Variants in FAM228B observed in about 807,000 individuals in gnomAD.
FAM228B encodes protein FAM228B.
FAM228B carries 38 observed loss-of-function variants against 42.6 expected under a neutral mutation model. The ratio of observed to expected loss-of-function variants is 0.89; its 90% CI spans 0.69 to 1.17. FAM228B has a LOEUF of 1.17. FAM228B is among the 50% of genes most tolerant of loss of function. The pLI is 0.00. For synonymous variants in FAM228B, 109 were observed against 122.3 expected (o/e 0.89, Z 0.72); for missense variants, 344 against 367.3 (o/e 0.94, Z 0.52).
In FAM228B at chr2:24,077,901, A is replaced by C. The variant is rs1664829572; in HGVS notation, c.-290+932A>C. On this transcript the variant is annotated intron_variant, in intron 1 of 10. Coordinates refer to the FAM228B transcript ENST00000613899. The surrounding 1 kb of genome is among the most constrained non-coding windows in gnomAD (Gnocchi z 5.5). ...GACACTTAACCCCTCACTTCCTAGCATGTGTGTGAAATACCCTTGAAGGAG... is the reference window on the plus strand; with the variant it reads ...GACACTTAACCCCTCACTTCCTAGCCTGTGTGTGAAATACCCTTGAAGGAG... 3 of 842,942 alleles carry C rather than the reference A, an allele frequency of 3.6e-6. No homozygotes were observed. Among genetic ancestry groups the C allele is most frequent in the African/African-American group, 1.7e-5 (1 of 58,722 alleles). The allele number at this position is 842,942 out of a possible 1,614,324, so 52.2% of individuals were successfully genotyped here.
Position 24,077,379 on chromosome 2 carries a change from C to T in FAM228B, c.-290+410C>T. On this transcript the variant is annotated intron_variant, in intron 1 of 10. Transcript: ENST00000613899. The surrounding 1 kb of genome is among the most constrained non-coding windows in gnomAD (Gnocchi z 5.5). Reference sequence around the variant, plus strand: ...CCTCAGTAATCCCCGCTGCGACGCCCGTCCGGACTCCCACCTCAACCCCGC... The same window carrying T: ...CCTCAGTAATCCCCGCTGCGACGCCTGTCCGGACTCCCACCTCAACCCCGC... 1 of 520,718 alleles carries T rather than the reference C, an allele frequency of 1.9e-6. No homozygotes were observed. The highest frequency in any genetic ancestry group is 3.3e-6 in the Non-Finnish European group (1 of 303,444). The allele number at this position is 520,718 out of a possible 1,614,324, so 32.3% of individuals were successfully genotyped here. A position where few individuals can be genotyped will look rare whatever the true frequency, so the allele number is the denominator to read the frequency against.
intron 7 of FAM228B, among the ~76,000 whole-genome samples, chr2:24,156,252 A>G (rs1667141994): frequency 6.6e-6 from 1 of 152,186 alleles, no homozygotes; most frequent in East Asian, 1.9e-4. Flanking sequence ...GTTATGGGAA[A>G]TATCAGGGTT....
chr2:24,116,236 G>C (rs941282722), intron 3 of FAM228B, among the ~76,000 whole-genome samples: 1 of 152,080 alleles, frequency 6.6e-6, no homozygotes, highest in Non-Finnish European at 1.5e-5. Context: ...GCTGAGGCAG[G>C]AGAATTGCTT....
At chr2:24,128,583 G>C (rs1191462595) in intron 2 of FAM228B, among the ~76,000 whole-genome samples, 1 of 151,822 alleles carries the variant, frequency 6.6e-6, no homozygotes, top group African/African-American at 2.4e-5. Flanking sequence ...TGTATACCTG[G>C]TGATTATTGG....
At chr2:24,142,629 C>T (rs1456627738) in intron 5 of FAM228B, 1 of 152,076 alleles carries the variant, frequency 6.6e-6, no homozygotes, top group Admixed American at 6.5e-5. Context: ...GAAAGAATGA[C>T]TTACAAACTA....
intron 3 of FAM228B, among the ~76,000 whole-genome samples, chr2:24,109,596 C>G (rs1180937276): frequency 3.3e-5 from 5 of 151,930 alleles, no homozygotes; most frequent in Non-Finnish European, 7.4e-5. Context: ...AATTTACAAG[C>G]AAAAACAACC....
At chr2:24,140,402 C>T (rs1666714920) in intron 5 of FAM228B, among the ~76,000 whole-genome samples, 1 of 152,046 alleles carries the variant, frequency 6.6e-6, no homozygotes, top group Non-Finnish European at 1.5e-5. Flanking sequence ...GTCTCAAACT[C>T]CTGACCTCAA....
intron 9 of FAM228B, chr2:24,166,559 A>C (rs1447756450): frequency 6.6e-6 from 1 of 151,872 alleles, no homozygotes; most frequent in African/African-American, 2.4e-5. Flanking sequence ...GCAGTGTTTG[A>C]GGGGCTGGAG....
chr2:24,103,979 T>C (rs1665655868), intron 3 of FAM228B, among the ~76,000 whole-genome samples: 1 of 152,158 alleles, frequency 6.6e-6, no homozygotes, highest in African/African-American at 2.4e-5. Context: ...GATAGTGGAC[T>C]AGAGGCAGCT....
intron 1 of FAM228B, chr2:24,079,350 G>T: frequency 1.5e-6 from 2 of 1,376,886 alleles, no homozygotes; most frequent in East Asian, 2.3e-5. Flanking sequence ...ACTAACCTCC[G>T]TAATCTAAGG....
At chr2:24,168,729 A>T (rs1482975343) in intron 10 of FAM228B, among the ~76,000 whole-genome samples, 1 of 152,074 alleles carries the variant, frequency 6.6e-6, no homozygotes, top group African/African-American at 2.4e-5. Context: ...AGAGAGGGAG[A>T]TTTGATGATG....
At chr2:24,092,243 A>AG (rs1665407387) in intron 2 of FAM228B, among the ~76,000 whole-genome samples, 1 of 146,152 alleles carries the variant, frequency 6.8e-6, no homozygotes, top group Non-Finnish European at 1.5e-5. Flanking sequence ...AAAAAAAAAA[A>AG]GGAATAGTAG....
At chr2:24,123,340 G>C (rs942090449), upstream of FAM228B, 21 of 152,290 alleles carry the variant, frequency 1.4e-4, no homozygotes, top group African/African-American at 4.8e-4. Flanking sequence ...GGATTGGCCG[G>C]GCCACGCGCC....
intron 2 of FAM228B, among the ~76,000 whole-genome samples, chr2:24,127,028 A>G (rs998207026): frequency 1.3e-5 from 2 of 152,072 alleles, no homozygotes; most frequent in African/African-American, 4.8e-5. Flanking sequence ...AATCCGTGCA[A>G]CTGTCACCAC....
At chr2:24,090,145 G>A (rs1266893725) in intron 2 of FAM228B, among the ~76,000 whole-genome samples, 1 of 152,046 alleles carries the variant, frequency 6.6e-6, no homozygotes, top group Non-Finnish European at 1.5e-5. Flanking sequence ...GCTGGCGCCT[G>A]TAGTCCCAGT....
At chr2:24,090,562 CAAA>C (rs58611623) in intron 2 of FAM228B, among the ~76,000 whole-genome samples, 1 of 81,648 alleles carries the variant, frequency 1.2e-5, no homozygotes, top group Non-Finnish European at 2.2e-5. Flanking sequence ...CCTCCCATCT[CAAA>C]AAAAAAAAAA....
At chr2:24,101,302 T>G (rs10188977) in intron 3 of FAM228B, among the ~76,000 whole-genome samples, 18,113 of 152,236 alleles carry the variant, frequency 0.12, 1,262 homozygotes, top group South Asian at 0.18. Context: ...CTTCTACTAC[T>G]CATATTTTCA....
intron 2 of FAM228B, among the ~76,000 whole-genome samples, chr2:24,082,435 C>T (rs915615340): frequency 6.6e-6 from 1 of 152,228 alleles, no homozygotes; most frequent in East Asian, 1.9e-4. Context: ...TCCTTCTAAA[C>T]TCTATGGTCA....
chr2:24,147,514 T>C (rs1666926333), intron 7 of FAM228B, among the ~76,000 whole-genome samples: 1 of 152,144 alleles, frequency 6.6e-6, no homozygotes, highest in Non-Finnish European at 1.5e-5. Flanking sequence ...ACTCCAATTA[T>C]ATGTATATTA....
Sources: gnomAD v4.1 joint callset for allele counts (sites outside exome capture counted in the v4.1 genomes callset) on GRCh38, gnomAD v4.1.1 for gene constraint, Gnocchi (gnomAD v3.1) non-coding constraint, MANE v1.5 for transcripts, NCBI Gene and HGNC (gene_info 2026-07-23, HGNC 2026-07-21) for gene names.